PPP5C: variants seen among roughly 807,000 people sequenced by gnomAD.
PPP5C encodes the protein protein phosphatase 5 catalytic subunit.
In PPP5C, 21 loss-of-function variants were observed where a neutral mutation model predicts 66.7. The observed-to-expected ratio is 0.31, with a 90% CI of 0.22 to 0.45. PPP5C has a LOEUF of 0.45. Ranked by LOEUF, PPP5C falls within the 20% of genes least tolerant of loss-of-function variation. The probability of loss-of-function intolerance (pLI) is 1.00; values close to 1 mark genes in which losing one functional copy is unlikely to be tolerated. For missense variants in PPP5C, 464 were observed against 675.9 expected (o/e 0.69, Z 3.48); for synonymous variants, 246 against 257.4 (o/e 0.96, Z 0.43).
At chr19:46,348,865 C>T (rs1328385710) in intron 1 of PPP5C, among the ~76,000 whole-genome samples, 5 of 152,054 alleles carry the variant, frequency 3.3e-5, no homozygotes, top group African/African-American at 4.8e-5. Context: ...GCCTTTAGTC[C>T]GATGCTGCCA....
rs758476310 is a variant in PPP5C, at chr19:46,383,126, A to G, written c.634-285A>G. ...ATAAAATGTTCTACGATCTGGATTCATGCATGTATTTCCACTTGATGCTGA... is the reference window on the plus strand; with the variant it reads ...ATAAAATGTTCTACGATCTGGATTCGTGCATGTATTTCCACTTGATGCTGA... On this transcript the variant is annotated intron_variant, in intron 4 of 12. Coordinates refer to ENST00000012443, the MANE Select transcript of PPP5C (RefSeq NM_006247.4). This position sits in a 1 kb window ranked among gnomAD's most constrained non-coding sequence, Gnocchi z 5.0. 4.1e-5 allele frequency: 55 copies of G among 1,344,070 alleles called. No homozygotes were observed. The highest frequency in any genetic ancestry group is 5.3e-5 in the Non-Finnish European group (54 of 1,027,644). 83.3% of individuals were successfully genotyped at this position (1,344,070 alleles called of 1,614,324 possible). A position where few individuals can be genotyped will look rare whatever the true frequency, so the allele number is the denominator to read the frequency against.
At chr19:46,358,483 G>A (rs1972325347) in intron 2 of PPP5C, among the ~76,000 whole-genome samples, 1 of 152,296 alleles carries the variant, frequency 6.6e-6, no homozygotes, top group Middle Eastern at 3.4e-3. Flanking sequence ...AAGTGTTAAT[G>A]TAATACTGGA....
chr19:46,383,580 C>A lies in PPP5C; in HGVS notation c.699+104C>A. On this transcript the variant is annotated intron_variant, in intron 5 of 12. Coordinates refer to ENST00000012443, the MANE Select transcript of PPP5C (RefSeq NM_006247.4). The surrounding 1 kb of genome is among the most constrained non-coding windows in gnomAD (Gnocchi z 5.0). ...CTCACGGATCCACCTCCCTCTCTCC[C>A]TCACACCCCACCCCTGTGCCTTTCC... is the stretch of plus-strand genomic sequence containing the variant. 1 of 1,247,524 alleles carries A rather than the reference C, an allele frequency of 8.0e-7. No homozygotes were observed. The highest frequency in any genetic ancestry group is 1.4e-5 in the South Asian group (1 of 69,122). 77.3% of individuals were successfully genotyped at this position (1,247,524 alleles called of 1,614,324 possible). A position where few individuals can be genotyped will look rare whatever the true frequency, so the allele number is the denominator to read the frequency against.
At chr19:46,385,287 T>C (rs1972862702) in intron 7 of PPP5C, among the ~76,000 whole-genome samples, 1 of 152,166 alleles carries the variant, frequency 6.6e-6, no homozygotes, top group African/African-American at 2.4e-5. Context: ...AGGAGACTGT[T>C]GACGAGGCAG....
At position 46,367,455 on chromosome 19, in the gene PPP5C, C is replaced by A. The variant is rs57392457; in HGVS notation, c.364-8149C>A. Among the ~76,000 whole-genome samples, 307 of 152,184 alleles carry A rather than the reference C, an allele frequency of 2.0e-3. 1 individual carries two copies. Among genetic ancestry groups the A allele is most frequent in the African/African-American group, 7.1e-3 (296 of 41,518 alleles). ...TTTGAAGCAGGGATCAGAAGGTGGC[C>A]CACCAGGAGTGAGCTGGAGATGCCC... On this transcript the variant is annotated intron_variant, in intron 2 of 12. Transcript: ENST00000012443.
chr19:46,369,368 T>TA (rs1972543803), intron 2 of PPP5C, among the ~76,000 whole-genome samples: 1 of 152,176 alleles, frequency 6.6e-6, no homozygotes, highest in Admixed American at 6.5e-5. Context: ...AGTCATGGCT[T>TA]ACACCTGTAA....
At position 46,361,128 on chromosome 19, in the gene PPP5C, A is replaced by AT. The variant is rs202038384; in HGVS notation, c.363+7139_363+7140insT. On this transcript the variant is annotated intron_variant, in intron 2 of 12. Coordinates refer to ENST00000012443, the MANE Select transcript of PPP5C (RefSeq NM_006247.4). ...TTTACCCAAAAGATAAGTGAAAGAA[A>AT]ATTTTTTTTTTTTTTTTTTGAGACG... Among the ~76,000 whole-genome samples, 9 of 133,414 alleles carry AT rather than the reference A, an allele frequency of 6.7e-5. 2 individuals carry two copies. The highest frequency in any genetic ancestry group is 7.9e-5 in the Non-Finnish European group (5 of 63,144). The allele number at this position is 133,414 out of a possible 152,430, so 87.5% of individuals were successfully genotyped here.
At position 46,376,073 on chromosome 19, in the gene PPP5C, C is replaced by T. The variant is rs1425334382; in HGVS notation, c.511+322C>T. 6.6e-6 allele frequency among the ~76,000 whole-genome samples: 1 copy of T among 152,162 alleles called. No homozygotes were observed. The highest frequency in any genetic ancestry group is 1.5e-5 in the Non-Finnish European group (1 of 68,020). On this transcript the variant is annotated intron_variant, in intron 3 of 12. Transcript: ENST00000012443. This position sits in a 1 kb window ranked among gnomAD's most constrained non-coding sequence, Gnocchi z 5.1. ...GATCCAAGGGATTGTTGTGGATCAT[C>T]CCACAGATGATTATTGAGCATCTCC... is the stretch of plus-strand genomic sequence containing the variant.
chr19:46,385,202 G>T (rs1601444096), intron 7 of PPP5C, among the ~76,000 whole-genome samples: 1 of 152,184 alleles, frequency 6.6e-6, no homozygotes, highest in African/African-American at 2.4e-5. Flanking sequence ...CATGAAACAG[G>T]CTCCTGGGTG....
intron 2 of PPP5C, among the ~76,000 whole-genome samples, chr19:46,356,232 TC>T (rs1427010460): frequency 1.3e-5 from 2 of 152,168 alleles, no homozygotes; most frequent in Non-Finnish European, 2.9e-5. Flanking sequence ...CCATGGGGGC[TC>T]TCCCAGCAGC....
chr19:46,367,172 G>C (rs1331251104), intron 2 of PPP5C, among the ~76,000 whole-genome samples: 1 of 152,198 alleles, frequency 6.6e-6, no homozygotes, highest in South Asian at 2.1e-4. Flanking sequence ...TCCGGCCCTT[G>C]GGAATTCTGA....
chr19:46,389,259 G>T (rs375234899), intron 11 of PPP5C, among the ~76,000 whole-genome samples: 1 of 151,434 alleles, frequency 6.6e-6, no homozygotes. Flanking sequence ...GGGAGGTAGA[G>T]GTTGCAGTGA....
chr19:46,361,066 G>GT (rs1174441857), intron 2 of PPP5C, among the ~76,000 whole-genome samples: 1 of 148,858 alleles, frequency 6.7e-6, no homozygotes, highest in African/African-American at 2.5e-5. Flanking sequence ...TTGTTTGTTT[G>GT]TTTTTTGGGA....
At chr19:46,370,538 C>T (rs1332778868) in intron 2 of PPP5C, among the ~76,000 whole-genome samples, 3 of 152,114 alleles carry the variant, frequency 2.0e-5, no homozygotes, top group Non-Finnish European at 2.9e-5. Context: ...TGGTTCTTTT[C>T]AGAAAAATGT....
At chr19:46,359,967 C>A (rs181973847) in intron 2 of PPP5C, among the ~76,000 whole-genome samples, 87 of 151,996 alleles carry the variant, frequency 5.7e-4, no homozygotes, top group African/African-American at 2.0e-3. Context: ...TTACTAGAGA[C>A]GGGGTTTCAC....
intron 1 of PPP5C, among the ~76,000 whole-genome samples, chr19:46,349,709 G>A (rs1278254886): frequency 1.3e-5 from 2 of 152,154 alleles, no homozygotes; most frequent in South Asian, 2.1e-4. Flanking sequence ...TCCAGGGTAA[G>A]ACAGGAAGGA....
In PPP5C at chr19:46,383,327, G is replaced by A. The variant is rs112771680; in HGVS notation, c.634-84G>A. 3.8e-3 allele frequency: 5,953 copies of A among 1,565,050 alleles called. 207 individuals are homozygous for A. The African/African-American group carries it at 0.07, about 18-fold the overall frequency. On this transcript the variant is annotated intron_variant, in intron 4 of 12. Transcript: ENST00000012443. The surrounding 1 kb of genome is among the most constrained non-coding windows in gnomAD (Gnocchi z 5.0). Reference sequence around the variant, plus strand: ...TCTCCCTCGCCCTCAGCCCAGCAGCGTCTCATGGGCAGTCCAGGCTTTCGG... The same window carrying A: ...TCTCCCTCGCCCTCAGCCCAGCAGCATCTCATGGGCAGTCCAGGCTTTCGG...
At chr19:46,367,074 G>A (rs1972503078) in intron 2 of PPP5C, among the ~76,000 whole-genome samples, 1 of 152,204 alleles carries the variant, frequency 6.6e-6, no homozygotes, top group South Asian at 2.1e-4. Context: ...TGCGGGACTA[G>A]TGGGCTATTT....
chr19:46,380,427 A>C (rs1972770570), intron 4 of PPP5C, among the ~76,000 whole-genome samples: 1 of 152,208 alleles, frequency 6.6e-6, no homozygotes, highest in Non-Finnish European at 1.5e-5. Context: ...CATTGTTGTC[A>C]TTTCCTTAAA....
Sources: allele counts gnomAD v4.1 joint callset (sites outside exome capture counted in the v4.1 genomes callset), GRCh38; gene constraint gnomAD v4.1.1; non-coding constraint Gnocchi (gnomAD v3.1); transcripts MANE v1.5; gene names NCBI Gene and HGNC (gene_info 2026-07-23, HGNC 2026-07-21).